The following KATNIP variants were observed in gnomAD, a reference collection of about 807,000 sequenced individuals.
KATNIP encodes the protein katanin interacting protein.
KATNIP carries 126 observed loss-of-function variants against 174.0 expected under a neutral mutation model. The ratio of observed to expected loss-of-function variants is 0.72; its 90% confidence interval spans 0.63 to 0.84. The LOEUF (loss-of-function observed/expected upper bound fraction) is 0.84. KATNIP is among the 40% of genes least tolerant of loss of function. KATNIP has a pLI of 0.00. For missense variants in KATNIP, 1,958 were observed against 2,109.7 expected (o/e 0.93, Z 1.41); for synonymous variants, 810 against 835.7 (o/e 0.97, Z 0.53).
chr16:27,653,332 T>G (rs144016199), intron 6 of KATNIP, among the ~76,000 whole-genome samples: 1 of 152,298 alleles, frequency 6.6e-6, no homozygotes, highest in East Asian at 1.9e-4. Flanking sequence ...AGTCTGGTTT[T>G]TTCTCACAGT....
chr16:27,619,987 G>C (rs1248531661), intron 3 of KATNIP, among the ~76,000 whole-genome samples: 2 of 152,202 alleles, frequency 1.3e-5, no homozygotes, highest in Middle Eastern at 6.3e-3. Context: ...GAACACCTGG[G>C]TGATTGTTTA....
At chr16:27,552,214 CTG>C (rs991058608) in intron 1 of KATNIP, among the ~76,000 whole-genome samples, 9 of 152,078 alleles carry the variant, frequency 5.9e-5, no homozygotes, top group South Asian at 2.1e-4. Context: ...AGGATTCAAA[CTG>C]TTTTTTGTTA....
intron 2 of KATNIP, among the ~76,000 whole-genome samples, chr16:27,597,402 CTTTTTTTTTTTTTTT>C (rs36005993): frequency 0.034 from 1,575 of 46,260 alleles, 67 homozygotes; most frequent in African/African-American, 0.1. Context: ...ATTTTCTTTT[CTTTTTTTTTTTTTTT>C]TTTTTTTTTT....
intron 1 of KATNIP, among the ~76,000 whole-genome samples, chr16:27,555,893 G>A (rs1221150407): frequency 1.3e-5 from 2 of 151,942 alleles, no homozygotes; most frequent in Non-Finnish European, 2.9e-5. Flanking sequence ...ACTTTGGGAG[G>A]CTGAGATGGG....
rs562541448 is a variant in KATNIP, at chr16:27,584,516, G to A, written c.63+10560G>A. On this transcript the variant is annotated intron_variant, in intron 2 of 27. Coordinates refer to ENST00000261588, the MANE Select transcript of KATNIP (RefSeq NM_015202.5). Reference sequence around the variant, plus strand: ...ATTGTTAAAAATTATATTCAAAGCCGTGCATGGGGGCTCACGCCTGTAATC... The same window carrying A: ...ATTGTTAAAAATTATATTCAAAGCCATGCATGGGGGCTCACGCCTGTAATC... Among the ~76,000 whole-genome samples, 5 of 152,240 alleles carry A rather than the reference G, an allele frequency of 3.3e-5. No individual in the cohort carries two copies. In the South Asian group the frequency reaches 6.2e-4, roughly 19 times the overall value.
At chr16:27,595,635 T>C (rs982018217) in intron 2 of KATNIP, among the ~76,000 whole-genome samples, 3 of 152,182 alleles carry the variant, frequency 2.0e-5, no homozygotes, top group Non-Finnish European at 4.4e-5. Flanking sequence ...TCCCAGGCCC[T>C]GGAGAGTCAG....
At chr16:27,725,448 C>T (rs941920415) in intron 14 of KATNIP, among the ~76,000 whole-genome samples, 12 of 152,274 alleles carry the variant, frequency 7.9e-5, no homozygotes, top group African/African-American at 2.4e-4. Flanking sequence ...ATTGATCAGC[C>T]ACGTCTGCCG....
chr16:27,584,160 T>A (rs2141811524), intron 2 of KATNIP, among the ~76,000 whole-genome samples: 1 of 152,196 alleles, frequency 6.6e-6, no homozygotes, highest in Non-Finnish European at 1.5e-5. Flanking sequence ...TTGGTGCTTC[T>A]TCCTCCTTCT....
intron 6 of KATNIP, among the ~76,000 whole-genome samples, chr16:27,657,381 A>G (rs1018443442): frequency 5.3e-5 from 8 of 152,168 alleles, no homozygotes; most frequent in Non-Finnish European, 7.3e-5. Context: ...AAGCTAGCAC[A>G]TTAAAGAGGA....
chr16:27,561,139 G>C (rs2089864404), intron 1 of KATNIP, among the ~76,000 whole-genome samples: 1 of 150,986 alleles, frequency 6.6e-6, no homozygotes, highest in Non-Finnish European at 1.5e-5. Flanking sequence ...AGCCTCCCAA[G>C]TAGCTGGGAC....
At chr16:27,713,708 A>ATTATATATATG (rs2079726995) in intron 13 of KATNIP, among the ~76,000 whole-genome samples, 1 of 132,760 alleles carries the variant, frequency 7.5e-6, no homozygotes, top group Non-Finnish European at 1.6e-5. Flanking sequence ...ACACATACAT[A>ATTATATATATG]TTATATATAT....
intron 19 of KATNIP, among the ~76,000 whole-genome samples, chr16:27,762,737 G>A (rs1284058699): frequency 6.6e-6 from 1 of 152,134 alleles, no homozygotes; most frequent in Non-Finnish European, 1.5e-5. Context: ...CTCACCCCCT[G>A]CTATCATTAA....
intron 19 of KATNIP, among the ~76,000 whole-genome samples, chr16:27,763,844 G>A (rs948216761): frequency 3.3e-5 from 5 of 152,054 alleles, no homozygotes; most frequent in African/African-American, 1.2e-4. Context: ...ATTACCTGTT[G>A]AAGAAACCAG....
intron 3 of KATNIP, among the ~76,000 whole-genome samples, chr16:27,620,144 G>A (rs111373271): frequency 1.3e-5 from 2 of 152,178 alleles, no homozygotes; most frequent in African/African-American, 2.4e-5. Flanking sequence ...CAAGGTTATA[G>A]CACAAAGACA....
intron 1 of KATNIP, among the ~76,000 whole-genome samples, chr16:27,569,624 A>G (rs2090213268): frequency 1.3e-5 from 2 of 152,326 alleles, no homozygotes; most frequent in South Asian, 2.1e-4. Context: ...TGCTCAGAGA[A>G]GCTAAGTGCG....
chr16:27,614,042 C>T (rs1006842526), intron 2 of KATNIP, among the ~76,000 whole-genome samples: 2 of 151,952 alleles, frequency 1.3e-5, no homozygotes, highest in Admixed American at 1.3e-4. Context: ...CAGCCTCCCA[C>T]ATAGCTAGGA....
intron 6 of KATNIP, among the ~76,000 whole-genome samples, chr16:27,653,447 G>A (rs937335428): frequency 6.6e-6 from 1 of 151,866 alleles, no homozygotes; most frequent in African/African-American, 2.4e-5. Flanking sequence ...AGACTCTGCA[G>A]CACATCCCTT....
chr16:27,560,320 AG>A, intron 1 of KATNIP, among the ~76,000 whole-genome samples: 1 of 151,884 alleles, frequency 6.6e-6, no homozygotes, highest in Non-Finnish European at 1.5e-5. Context: ...ATTTCACATA[AG>A]AACCTGGACT....
At chr16:27,594,419 G>C (rs1479618477) in intron 2 of KATNIP, among the ~76,000 whole-genome samples, 2 of 151,966 alleles carry the variant, frequency 1.3e-5, no homozygotes, top group African/African-American at 4.8e-5. Context: ...GAGAGCCCAG[G>C]GACCCACCTT....
Sources: allele counts gnomAD v4.1 joint callset (sites outside exome capture counted in the v4.1 genomes callset), GRCh38; gene constraint gnomAD v4.1.1; transcripts MANE v1.5; gene names NCBI Gene and HGNC (gene_info 2026-07-23, HGNC 2026-07-21).